Variants in ANK2 observed in about 807,000 individuals in gnomAD.
ANK2 encodes the protein ankyrin 2.
ANK2 carries 83 observed loss-of-function variants against 360.5 expected under a neutral mutation model. The ratio of observed to expected loss-of-function variants is 0.23; its 90% CI spans 0.19 to 0.28. ANK2 has a LOEUF of 0.28. Among genes scored for constraint, ANK2 ranks in the 10% least tolerant of loss-of-function variants. The pLI, the probability that ANK2 is intolerant of heterozygous loss-of-function variation, is 1.00. For missense variants in ANK2, 4,201 were observed against 4,795.7 expected (o/e 0.88, Z 3.66); for synonymous variants, 1,740 against 1,759.5 (o/e 0.99, Z 0.28).
intron 14 of ANK2, among the ~76,000 whole-genome samples, chr4:113,272,943 A>C (rs1386519317): frequency 6.6e-6 from 1 of 152,172 alleles, no homozygotes; most frequent in Non-Finnish European, 1.5e-5. Context: ...CTAACCATTT[A>C]TTTTTATAAA....
chr4:113,200,865 C>T (rs2098819376), intron 4 of ANK2, among the ~76,000 whole-genome samples: 1 of 149,468 alleles, frequency 6.7e-6, no homozygotes, highest in Non-Finnish European at 1.5e-5. Context: ...AGGCGGGGAA[C>T]ATCACACGCC....
intron 2 of ANK2, among the ~76,000 whole-genome samples, chr4:113,041,729 AAAC>A (rs2063003274): frequency 6.6e-6 from 1 of 152,154 alleles, no homozygotes; most frequent in Non-Finnish European, 1.5e-5. Context: ...TGGGTGGCTT[AAAC>A]AACAAACGTT....
chr4:112,894,389 G>T (rs149955861), intron 1 of ANK2, among the ~76,000 whole-genome samples: 1 of 152,000 alleles, frequency 6.6e-6, no homozygotes, highest in Non-Finnish European at 1.5e-5. Context: ...TTTGTATTTG[G>T]TGTTACATAC....
the ANK2 span, among the ~76,000 whole-genome samples, chr4:112,783,366 A>G: frequency 1.3e-5 from 2 of 152,202 alleles, no homozygotes; most frequent in Non-Finnish European, 2.9e-5. Context: ...GTGTTTTTCT[A>G]TGTCATAAAT....
chr4:112,987,505 T>A (rs548883119), intron 2 of ANK2, among the ~76,000 whole-genome samples: 1 of 152,034 alleles, frequency 6.6e-6, no homozygotes, highest in African/African-American at 2.4e-5. Flanking sequence ...GGGTGACAAG[T>A]CTTTGGAGAA....
intron 2 of ANK2, among the ~76,000 whole-genome samples, chr4:112,982,199 T>C (rs2043314781): frequency 6.6e-6 from 1 of 152,196 alleles, no homozygotes; most frequent in Non-Finnish European, 1.5e-5. Flanking sequence ...TTTTTAATTA[T>C]GAAAATCTTA....
intron 2 of ANK2, among the ~76,000 whole-genome samples, chr4:112,950,656 A>G (rs2094895506): frequency 6.6e-6 from 1 of 151,630 alleles, no homozygotes; most frequent in Non-Finnish European, 1.5e-5. Flanking sequence ...AAAGAAAAAA[A>G]AAAAAAAGAA....
chr4:113,057,718 AAG>A (rs757879424), intron 1 of ANK2, among the ~76,000 whole-genome samples: 1 of 152,136 alleles, frequency 6.6e-6, no homozygotes, highest in Non-Finnish European at 1.5e-5. Flanking sequence ...CCAAATTAAC[AAG>A]ACATTCGAAT....
At chr4:113,155,482 C>G (rs573325680) in intron 1 of ANK2, among the ~76,000 whole-genome samples, 2 of 151,866 alleles carry the variant, frequency 1.3e-5, no homozygotes, top group Non-Finnish European at 2.9e-5. Flanking sequence ...AGATTTTCCA[C>G]AATTGGAAGA....
At chr4:113,343,173 T>C (rs1563917745) in intron 34 of ANK2, 31 bp downstream of exon 34, 5 of 1,609,806 alleles carry the variant, frequency 3.1e-6, no homozygotes, top group African/African-American at 1.3e-5. Flanking sequence ...TGTGATGCAT[T>C]TTTTTCAAGA....
At chr4:113,195,895 A>G (rs778672522) in intron 2 of ANK2, among the ~76,000 whole-genome samples, 1 of 152,192 alleles carries the variant, frequency 6.6e-6, no homozygotes, top group Non-Finnish European at 1.5e-5. Context: ...TATAATATTA[A>G]TCAAGGTATA....
intron 6 of ANK2, 63 bp from the exon 7 acceptor site, chr4:113,237,532 TTGAC>T: frequency 1.1e-5 from 17 of 1,483,334 alleles, no homozygotes; most frequent in Non-Finnish European, 1.6e-5. Context: ...AGCGAGCAGA[TTGAC>T]TGTTTCCATA....
intron 26 of ANK2, among the ~76,000 whole-genome samples, chr4:113,327,749 C>T (rs1463656787): frequency 1.3e-5 from 2 of 152,190 alleles, no homozygotes; most frequent in African/African-American, 2.4e-5. Flanking sequence ...ACATCTGGGG[C>T]TTACACCATG....
chr4:113,238,223 A>G (rs1415131507), intron 7 of ANK2, among the ~76,000 whole-genome samples: 1 of 152,202 alleles, frequency 6.6e-6, no homozygotes, highest in African/African-American at 2.4e-5. Flanking sequence ...GAAGCCTCTC[A>G]GTATGGTGTG....
intron 1 of ANK2, among the ~76,000 whole-genome samples, chr4:113,159,115 T>G (rs539362527): frequency 6.6e-6 from 1 of 152,034 alleles, no homozygotes; most frequent in East Asian, 1.9e-4. Context: ...AGGCATGGTT[T>G]CCACCTTCAA....
At chr4:113,142,983 A>G (rs922300460) in intron 1 of ANK2, among the ~76,000 whole-genome samples, 4 of 146,742 alleles carry the variant, frequency 2.7e-5, no homozygotes, top group African/African-American at 7.6e-5. Context: ...GTTTAAAATT[A>G]TTAAATCTGT....
chr4:112,870,868 C>T (rs1193546369), intron 1 of ANK2, among the ~76,000 whole-genome samples: 1 of 152,128 alleles, frequency 6.6e-6, no homozygotes, highest in Non-Finnish European at 1.5e-5. Flanking sequence ...ATTTGTAGAT[C>T]ACTTTGGGTA....
chr4:113,363,932 G>A (rs1430444718), intron 40 of ANK2, among the ~76,000 whole-genome samples: 1 of 152,142 alleles, frequency 6.6e-6, no homozygotes, highest in Admixed American at 6.5e-5. Context: ...AGGGGATTGG[G>A]AAAAGAATGA....
the ANK2 span, among the ~76,000 whole-genome samples, chr4:112,799,906 C>T: frequency 6.8e-6 from 1 of 146,196 alleles, no homozygotes. Flanking sequence ...TTCTGATATA[C>T]AACACATAAC....
Sources: gnomAD v4.1 joint callset for allele counts (sites outside exome capture counted in the v4.1 genomes callset) on GRCh38, gnomAD v4.1.1 for gene constraint, MANE v1.5 for transcripts, NCBI Gene and HGNC (gene_info 2026-07-23, HGNC 2026-07-21) for gene names.